SFSWAP: variants seen among roughly 807,000 people sequenced by gnomAD.
The protein encoded by SFSWAP is splicing factor SWAP.
A neutral mutation model predicts 100.7 loss-of-function variants in SFSWAP; 17 were observed. That is an observed-to-expected ratio of 0.17 (90% CI 0.12 to 0.25). The LOEUF (loss-of-function observed/expected upper bound fraction) is 0.25. SFSWAP is among the 10% of genes least tolerant of loss of function. SFSWAP has a pLI of 1.00. For missense variants in SFSWAP, 1,005 were observed against 1,262.6 expected (o/e 0.80, Z 3.09); for synonymous variants, 504 against 510.1 (o/e 0.99, Z 0.16).
Position 131,755,381 on chromosome 12 carries a change from C to G in SFSWAP, c.1455-5C>G. 1 of 1,610,054 alleles carries G rather than the reference C, an allele frequency of 6.2e-7. No individual in the cohort carries two copies. The highest frequency in any genetic ancestry group is 8.5e-7 in the Non-Finnish European group (1 of 1,176,700). ...ATGACCCATTTTCTTTCTTTTTCTGCTCAGATTTGAGTTCCTGCAGCCGTG... is the reference window on the plus strand; with the variant it reads ...ATGACCCATTTTCTTTCTTTTTCTGGTCAGATTTGAGTTCCTGCAGCCGTG... On this transcript the variant is annotated splice_polypyrimidine_tract_variant and splice_region_variant and intron_variant, in intron 9 of 17. Coordinates refer to ENST00000261674, the MANE Select transcript of SFSWAP (RefSeq NM_004592.4).
intron 3 of SFSWAP, among the ~76,000 whole-genome samples, chr12:131,717,373 CATT>C (rs1478377343): frequency 2.0e-5 from 3 of 152,104 alleles, no homozygotes; most frequent in Admixed American, 6.6e-5. Flanking sequence ...AATTTTTCAT[CATT>C]ATTCTATATC....
intron 7 of SFSWAP, among the ~76,000 whole-genome samples, chr12:131,729,817 G>A (rs112667568): frequency 6.6e-6 from 1 of 152,278 alleles, no homozygotes; most frequent in African/African-American, 2.4e-5. Flanking sequence ...CAGTTCAGCC[G>A]GAGATGAATT....
At chr12:131,770,430 G>A (rs1205216137) in intron 13 of SFSWAP, among the ~76,000 whole-genome samples, 5 of 152,186 alleles carry the variant, frequency 3.3e-5, no homozygotes, top group Non-Finnish European at 7.4e-5. Flanking sequence ...ACAAGGCCTG[G>A]CATAACATGG....
chr12:131,735,367 A>G (rs1050302345), intron 7 of SFSWAP, among the ~76,000 whole-genome samples: 6 of 152,084 alleles, frequency 3.9e-5, no homozygotes, highest in Admixed American at 3.3e-4. Context: ...CATTTGTACC[A>G]TTAGGGTATT....
At chr12:131,788,588 T>G (rs1298617273) in intron 15 of SFSWAP, among the ~76,000 whole-genome samples, 2 of 149,230 alleles carry the variant, frequency 1.3e-5, no homozygotes, top group Admixed American at 1.3e-4. Context: ...TGCAGTGGCG[T>G]AATCACAGCT....
rs933712217 is a variant in SFSWAP, at chr12:131,719,473, T to G, written c.540T>G (p.Asn180Lys). The G allele has an allele frequency of 9.9e-6, 16 of 1,613,936 alleles. No individual in the cohort carries two copies. The highest frequency in any genetic ancestry group is 2.7e-5 in the African/African-American group (2 of 74,894). ...SKQREKNEAE[N>K]LEENEEPFVA... is the part of the protein sequence containing the mutation. ...ATGCAGAAAAAAATGAGGCCGAAAA[T>G]TTAGAGGAAAATGAAGAGCCCTTCG... Residue 180 changes from asparagine to lysine, a missense_variant, in exon 4 of 18, where the codon AAT (asparagine) becomes AAG (lysine). Physicochemically the swap from Asn to Lys is moderately conservative, Grantham distance 94. Transcript: ENST00000261674.
At position 131,795,547 on chromosome 12, in the gene SFSWAP, C is replaced by CT. The variant is rs895699122; in HGVS notation, c.2535-1630dup. Among the ~76,000 whole-genome samples the CT allele has an allele frequency of 2.6e-5, 4 of 152,182 alleles. No homozygotes were observed. The South Asian group carries it at 8.3e-4, about 31-fold the overall frequency. Reference sequence around the variant, plus strand: ...CTCGATGGGGTCTGCACCCCAGACTCTGAGCACAGCCCCAGCCATTAAGCA... The same window carrying CT: ...CTCGATGGGGTCTGCACCCCAGACTCTTGAGCACAGCCCCAGCCATTAAGCA... On this transcript the variant is annotated intron_variant, in intron 15 of 17. Coordinates refer to ENST00000261674, the MANE Select transcript of SFSWAP (RefSeq NM_004592.4).
chr12:131,799,284 G>A (rs908184279), intron 17 of SFSWAP, 139 bp from the exon 18 acceptor site: 1 of 1,056,926 alleles, frequency 9.5e-7, no homozygotes, highest in Middle Eastern at 2.1e-4. Context: ...CCCGCACCCT[G>A]CACAGCCAGG....
intron 3 of SFSWAP, 85 bp from the exon 4 acceptor site, chr12:131,719,369 C>G (rs1267781270): frequency 1.1e-6 from 1 of 924,362 alleles, no homozygotes; most frequent in Non-Finnish European, 1.8e-6. Flanking sequence ...GACAGCCAGT[C>G]ACATGCTTCC....
intron 16 of SFSWAP, 28 bp downstream of exon 16, chr12:131,797,388 C>G: frequency 6.3e-7 from 1 of 1,585,216 alleles, no homozygotes; most frequent in East Asian, 2.3e-5. Context: ...GCAGCTCTCT[C>G]TGGGGAAAGG....
intron 3 of SFSWAP, among the ~76,000 whole-genome samples, chr12:131,718,196 G>A (rs1276794394): frequency 1.3e-5 from 2 of 152,200 alleles, no homozygotes; most frequent in African/African-American, 4.8e-5. Context: ...CAGGAAACCT[G>A]CTTAAAATTC....
chr12:131,798,984 G>A, intron 16 of SFSWAP, 53 bp from the exon 17 acceptor site: 1 of 1,383,356 alleles, frequency 7.2e-7, no homozygotes, highest in Non-Finnish European at 1.0e-6. Flanking sequence ...CACTGGCCTT[G>A]GCTCAGCATC....
At chr12:131,752,842 A>G (rs2136222673) in intron 7 of SFSWAP, among the ~76,000 whole-genome samples, 1 of 152,334 alleles carries the variant, frequency 6.6e-6, no homozygotes, top group South Asian at 2.1e-4. Flanking sequence ...GGAGGACATT[A>G]ATTTGTCTAG....
chr12:131,763,438 A>G (rs762408128), intron 11 of SFSWAP, among the ~76,000 whole-genome samples: 34 of 152,210 alleles, frequency 2.2e-4, no homozygotes, highest in Non-Finnish European at 4.3e-4. Context: ...TCTTGTCAAG[A>G]GCCATTTATC....
intron 15 of SFSWAP, 151 bp downstream of exon 15, chr12:131,786,739 T>C: frequency 1.3e-6 from 1 of 771,002 alleles, no homozygotes; most frequent in Non-Finnish European, 2.0e-6. Flanking sequence ...CCCAGTGGCA[T>C]GGCCATCACT....
Position 131,714,745 on chromosome 12 carries a change from CTACAACTTTAGAA to C in SFSWAP, c.389-76_389-64del. On this transcript the variant is annotated intron_variant, in intron 2 of 17. Transcript: ENST00000261674. The surrounding 1 kb of genome is among the most constrained non-coding windows in gnomAD (Gnocchi z 6.0). Reference sequence around the variant, plus strand: ...AGTATGTTGTATGCTTTACTGATAGCTACAACTTTAGAAATATATAAAGTTTTTCTCAGTAATT... The same window carrying C: ...AGTATGTTGTATGCTTTACTGATAGCATATATAAAGTTTTTCTCAGTAATT... The C allele has an allele frequency of 7.3e-7, 1 of 1,367,570 alleles. No homozygotes were observed. The highest frequency in any genetic ancestry group is 1.0e-6 in the Non-Finnish European group (1 of 974,832). The allele number at this position is 1,367,570 out of a possible 1,614,324, so 84.7% of individuals were successfully genotyped here. A position where few individuals can be genotyped will look rare whatever the true frequency, so the allele number is the denominator to read the frequency against.
chr12:131,753,020 A>G, intron 7 of SFSWAP, 103 bp from the exon 8 acceptor site: 1 of 1,522,066 alleles, frequency 6.6e-7, no homozygotes, highest in Non-Finnish European at 9.0e-7. Context: ...GAGCAGAGGC[A>G]AGGCTGCATC....
intron 15 of SFSWAP, chr12:131,796,928 A>C: frequency 2.3e-6 from 1 of 432,602 alleles, no homozygotes; most frequent in South Asian, 5.2e-5. Context: ...TTTTACATGT[A>C]AATAAAATGC....
chr12:131,785,091 G>T (rs1345329879), intron 14 of SFSWAP: 1 of 1,535,486 alleles, frequency 6.5e-7, no homozygotes, highest in Admixed American at 2.0e-5. Context: ...CCTCCCCAGG[G>T]ACGCTGCGCG....
Sources: allele counts gnomAD v4.1 joint callset (sites outside exome capture counted in the v4.1 genomes callset), GRCh38; gene constraint gnomAD v4.1.1; non-coding constraint Gnocchi (gnomAD v3.1); transcripts MANE v1.5; gene names NCBI Gene and HGNC (gene_info 2026-07-23, HGNC 2026-07-21).